Variants in PTPRT observed in about 807,000 individuals in gnomAD.
PTPRT encodes the protein receptor-type tyrosine-protein phosphatase T.
In PTPRT, 56 loss-of-function variants were observed where a neutral mutation model predicts 176.8. The ratio of observed to expected loss-of-function variants is 0.32; its 90% CI spans 0.26 to 0.40. The LOEUF is 0.40. Ranked by LOEUF, PTPRT falls within the 10% of genes least tolerant of loss-of-function variation. The probability of loss-of-function intolerance (pLI) is 1.00; values close to 1 mark genes in which losing one functional copy is unlikely to be tolerated. For synonymous variants in PTPRT, 783 were observed against 739.0 expected (o/e 1.06, Z -0.96); for missense variants, 1,540 against 1,908.2 (o/e 0.81, Z 3.60).
rs543232050 is a variant in PTPRT at position 43,147,128 on chromosome 20, C to T, written c.88+42518G>A. 3.9e-5 allele frequency among the ~76,000 whole-genome samples: 6 copies of T among 152,286 alleles called. No homozygotes were observed. The South Asian group carries it at 1.2e-3, about 32-fold the overall frequency. On this transcript the variant is annotated intron_variant, in intron 1 of 30. Transcript: ENST00000373187. ...CTTCTCTCCAGGTACCTCTGCTCCT[C>T]CTTCAGAACCTACTCGAGGGGCATC...
chr20:42,941,094 TA>T (rs1568690963), intron 1 of PTPRT, among the ~76,000 whole-genome samples: 3 of 145,920 alleles, frequency 2.1e-5, no homozygotes, highest in Non-Finnish European at 4.4e-5. Flanking sequence ...AAAAAAATAA[TA>T]ATAATAATAA....
chr20:42,883,812 C>G (rs377034578), intron 2 of PTPRT, among the ~76,000 whole-genome samples: 1 of 62,122 alleles, frequency 1.6e-5, no homozygotes, highest in Non-Finnish European at 3.4e-5. Context: ...ACCCTTACAC[C>G]CCCATATGCA....
chr20:42,097,235 T>A (rs117111255), intron 27 of PTPRT, among the ~76,000 whole-genome samples: 1 of 152,356 alleles, frequency 6.6e-6, no homozygotes, highest in East Asian at 1.9e-4. Flanking sequence ...GGGACCTCTC[T>A]GCAAGCTGGG....
chr20:42,565,040 A>T (rs898246781), intron 7 of PTPRT, among the ~76,000 whole-genome samples: 1 of 152,084 alleles, frequency 6.6e-6, no homozygotes, highest in Non-Finnish European at 1.5e-5. Flanking sequence ...CTCCACTGTA[A>T]ATCAAGCTGC....
intron 7 of PTPRT, among the ~76,000 whole-genome samples, chr20:42,609,799 C>G (rs1248304056): frequency 1.3e-5 from 2 of 152,222 alleles, no homozygotes; most frequent in Middle Eastern, 3.2e-3. Flanking sequence ...CCCACTCCCC[C>G]CAGGGCGGGT....
intron 6 of PTPRT, among the ~76,000 whole-genome samples, chr20:42,745,717 T>A (rs2076682053): frequency 6.6e-6 from 1 of 152,182 alleles, no homozygotes; most frequent in Non-Finnish European, 1.5e-5. Flanking sequence ...AAATATTCCA[T>A]ATATATCTGT....
chr20:42,662,422 G>T (rs939793330), intron 7 of PTPRT, among the ~76,000 whole-genome samples: 2 of 152,098 alleles, frequency 1.3e-5, no homozygotes, highest in African/African-American at 4.8e-5. Flanking sequence ...CCTAAACTGT[G>T]TGACTTGGAG....
intron 7 of PTPRT, among the ~76,000 whole-genome samples, chr20:42,656,306 G>A (rs868148696): frequency 1.3e-5 from 2 of 152,086 alleles, no homozygotes; most frequent in East Asian, 1.9e-4. Flanking sequence ...CCTAAGCCAA[G>A]CCTAAAGGAA....
intron 2 of PTPRT, among the ~76,000 whole-genome samples, chr20:42,792,791 G>T (rs571661015): frequency 6.6e-6 from 1 of 152,302 alleles, no homozygotes; most frequent in Non-Finnish European, 1.5e-5. Context: ...GTTAATAAGT[G>T]CTGGGAAACC....
intron 6 of PTPRT, among the ~76,000 whole-genome samples, chr20:42,705,293 C>G (rs1054090192): frequency 6.6e-6 from 1 of 152,064 alleles, no homozygotes; most frequent in Non-Finnish European, 1.5e-5. Context: ...TGTTTATTCA[C>G]TTGGGTGCAA....
chr20:42,615,643 A>G (rs1263522650), intron 7 of PTPRT, among the ~76,000 whole-genome samples: 1 of 131,426 alleles, frequency 7.6e-6, no homozygotes, highest in African/African-American at 3.5e-5. Flanking sequence ...CTGGTGTGAG[A>G]TGGTATCTCA....
At chr20:42,314,925 C>T (rs2057693822) in intron 12 of PTPRT, among the ~76,000 whole-genome samples, 1 of 128,750 alleles carries the variant, frequency 7.8e-6, no homozygotes, top group Non-Finnish European at 1.8e-5. Flanking sequence ...CAAGAATAAG[C>T]ACTAATGCCA....
Position 42,072,881 on chromosome 20 carries a change from T to A in PTPRT, c.*7998A>T, listed in dbSNP as rs1291692141. The A allele has an allele frequency of 4.5e-6, 1 of 223,254 alleles. No individual in the cohort carries two copies. The highest frequency in any genetic ancestry group is 9.0e-6 in the Non-Finnish European group (1 of 111,570). The allele number at this position is 223,254 out of a possible 1,614,324, so 13.8% of individuals were successfully genotyped here. A position where few individuals can be genotyped will look rare whatever the true frequency, so the allele number is the denominator to read the frequency against. On this transcript the variant is annotated 3_prime_UTR_variant, in exon 31 of 31. Coordinates refer to ENST00000373187, the MANE Select transcript of PTPRT (RefSeq NM_007050.6). Reference sequence around the variant, plus strand: ...GATGGACTTGCAGGTGTAAAAAGATTACACTTCACTGTAATGTACAGTCAA... The same window carrying A: ...GATGGACTTGCAGGTGTAAAAAGATAACACTTCACTGTAATGTACAGTCAA...
chr20:42,153,576 G>A (rs1989224761), intron 17 of PTPRT, among the ~76,000 whole-genome samples: 1 of 152,230 alleles, frequency 6.6e-6, no homozygotes, highest in Non-Finnish European at 1.5e-5. Flanking sequence ...ATAAAAATAG[G>A]CTAAAAGGGA....
At chr20:42,775,392 T>C (rs1444438545) in intron 4 of PTPRT, among the ~76,000 whole-genome samples, 1 of 152,078 alleles carries the variant, frequency 6.6e-6, no homozygotes, top group Non-Finnish European at 1.5e-5. Context: ...CCCCACAAGA[T>C]TGTGAGGGAG....
chr20:42,159,104 CTTT>C lies in PTPRT; in HGVS notation c.2682+2245_2682+2247del, dbSNP rs35657012. Among the ~76,000 whole-genome samples the C allele has an allele frequency of 5.0e-5, 7 of 140,340 alleles. No homozygotes were observed. In the East Asian group the frequency reaches 8.3e-4, roughly 17 times the overall value. 92.1% of individuals were successfully genotyped at this position (140,340 alleles called of 152,430 possible). A position where few individuals can be genotyped will look rare whatever the true frequency, so the allele number is the denominator to read the frequency against. ...TTTCTCAGCATTTGGCTACTTGTCC[CTTT>C]TTTTTTTTTTGGTAAGCCACATATC... On this transcript the variant is annotated intron_variant, in intron 17 of 30. Coordinates refer to ENST00000373187, the MANE Select transcript of PTPRT (RefSeq NM_007050.6).
rs531521260 is a variant in PTPRT, at chr20:42,931,340, A to G, written c.89-45408T>C. On this transcript the variant is annotated intron_variant, in intron 1 of 30. Coordinates refer to ENST00000373187, the MANE Select transcript of PTPRT (RefSeq NM_007050.6). ...CTTAGGAAATGCCAGGTGAGGACAC[A>G]TGGAGAATCAAGTCAGGAAGAGGCC... Among the ~76,000 whole-genome samples, 123 of 152,348 alleles carry G rather than the reference A, an allele frequency of 8.1e-4. 1 individual carries two copies. The highest frequency in any genetic ancestry group is 2.8e-3 in the African/African-American group (116 of 41,560).
At chr20:42,091,605 G>A (rs188808906) in intron 27 of PTPRT, among the ~76,000 whole-genome samples, 4 of 152,244 alleles carry the variant, frequency 2.6e-5, no homozygotes, top group African/African-American at 7.2e-5. Flanking sequence ...GAAGTGAATT[G>A]GTATTTTAAA....
intron 6 of PTPRT, among the ~76,000 whole-genome samples, chr20:42,739,705 C>T (rs2076580619): frequency 6.6e-6 from 1 of 152,182 alleles, no homozygotes; most frequent in South Asian, 2.1e-4. Context: ...GTGTGAAATT[C>T]ATTACAACAA....
Sources: allele counts gnomAD v4.1 joint callset (sites outside exome capture counted in the v4.1 genomes callset), GRCh38; gene constraint gnomAD v4.1.1; transcripts MANE v1.5; gene names NCBI Gene and HGNC (gene_info 2026-07-23, HGNC 2026-07-21).